Variants in SYT11 observed in about 807,000 individuals in gnomAD.
SYT11 encodes the protein synaptotagmin-11.
In SYT11, 12 loss-of-function variants were observed where a neutral mutation model predicts 30.4. The observed-to-expected ratio is 0.39, with a 90% CI of 0.25 to 0.64. The LOEUF is 0.64. Among genes scored for constraint, SYT11 ranks in the 30% least tolerant of loss-of-function variants. The pLI is 0.45. For missense variants in SYT11, 412 were observed against 552.0 expected, an observed-to-expected ratio of 0.75 and a Z score of 2.54; for synonymous variants, 204 against 216.0, an observed-to-expected ratio of 0.94 and a Z score of 0.49.
At position 155,867,993 on chromosome 1, in the gene SYT11, C is replaced by T. The variant is rs974741927; in HGVS notation, c.63C>T (p.Ile21=). ...TGTCACCGGTGGTGGCCGGCCTCAT[C>T]GGGGCCTCTGTGCTGGTGGTGTGTG... ...FDVSPVVAGL[I]GASVLVVCVS... Residue 21 remains isoleucine, a synonymous_variant, in exon 2 of 4, where the codon ATC becomes ATT. Transcript: ENST00000368324. 1.9e-6 allele frequency: 3 copies of T among 1,610,978 alleles called. No homozygotes were observed. Among genetic ancestry groups the T allele is most frequent in the Non-Finnish European group, 2.5e-6 (3 of 1,179,192 alleles).
intron 3 of SYT11, 32 bp from the exon 4 acceptor site, chr1:155,881,166 C>A: frequency 6.3e-7 from 1 of 1,591,384 alleles, no homozygotes; most frequent in South Asian, 1.1e-5. Context: ...ATAGGTCTGT[C>A]TCCCTTTTTC....
chr1:155,872,527 C>A (rs1201974065), intron 2 of SYT11, among the ~76,000 whole-genome samples: 4 of 152,180 alleles, frequency 2.6e-5, no homozygotes, highest in Non-Finnish European at 5.9e-5. Context: ...ACTGAAGGAG[C>A]AAGGAGATTG....
At chr1:155,880,713 C>A (rs926868684) in intron 3 of SYT11, 90 bp downstream of exon 3, 1 of 1,486,928 alleles carries the variant, frequency 6.7e-7, no homozygotes, top group African/African-American at 1.4e-5. Context: ...CTTCAAGATC[C>A]TTGCCTCTTT....
chr1:155,869,691 C>G (rs867283629), intron 2 of SYT11, among the ~76,000 whole-genome samples: 4 of 152,184 alleles, frequency 2.6e-5, no homozygotes, highest in South Asian at 2.1e-4. Context: ...TGTCCTCCCT[C>G]TTTGTATTAG....
rs750879467 is a variant in SYT11, at chr1:155,859,711, G to A, written c.-51G>A. ...CCTCGGTACTGACCGAGGGTTCCCA[G>A]AGCTGTCTCACCATTGCAAAAACGT... On this transcript the variant is annotated 5_prime_UTR_variant, in exon 1 of 4. Transcript: ENST00000368324. The A allele has an allele frequency of 1.3e-6, 2 of 1,593,230 alleles. No individual in the cohort carries two copies. The highest frequency in any genetic ancestry group is 1.1e-5 in the South Asian group (1 of 90,644).
At chr1:155,876,273 T>C (rs1672858858) in intron 2 of SYT11, among the ~76,000 whole-genome samples, 1 of 118,458 alleles carries the variant, frequency 8.4e-6, no homozygotes, top group African/African-American at 3.2e-5. Context: ...TGAGACGGAG[T>C]CTCGCTCCGT....
At chr1:155,880,767 T>C (rs822508) in intron 3 of SYT11, 144 bp downstream of exon 3, 618,751 of 1,001,868 alleles carry the variant, frequency 0.62, 200,928 homozygotes, top group Middle Eastern at 0.7. Context: ...CTCTTCCTGA[T>C]GAGTATCTAC....
At chr1:155,861,900 G>A (rs1166639079) in intron 1 of SYT11, among the ~76,000 whole-genome samples, 1 of 152,222 alleles carries the variant, frequency 6.6e-6, no homozygotes, top group African/African-American at 2.4e-5. Context: ...TTACAGGTGT[G>A]AGCCACTGCA....
intron 1 of SYT11, among the ~76,000 whole-genome samples, chr1:155,865,406 T>A (rs1400587671): frequency 6.6e-6 from 1 of 152,012 alleles, no homozygotes; most frequent in East Asian, 2.0e-4. Context: ...GGCAATTGGA[T>A]CACTTGCGGT....
Position 155,872,549 on chromosome 1 carries a change from C to G in SYT11, c.861+3758C>G, listed in dbSNP as rs1221344147. Among the ~76,000 whole-genome samples the G allele has an allele frequency of 2.0e-5, 3 of 152,206 alleles. No individual in the cohort carries two copies. In the South Asian group the frequency reaches 6.2e-4, roughly 31 times the overall value. On this transcript the variant is annotated intron_variant, in intron 2 of 3. Transcript: ENST00000368324. ...GAGCAAGGAGATTGCCCTCAGAGAG[C>G]CGAGCCCCGCAGCTCTGTCAGGCAT...
At chr1:155,870,761 ACT>A (rs753049331) in intron 2 of SYT11, among the ~76,000 whole-genome samples, 10 of 152,066 alleles carry the variant, frequency 6.6e-5, no homozygotes, top group Non-Finnish European at 1.3e-4. Flanking sequence ...CAGGGAGCAC[ACT>A]TTGTGTGTGT....
chr1:155,876,276 C>T (rs1479292896), intron 2 of SYT11, among the ~76,000 whole-genome samples: 65 of 128,032 alleles, frequency 5.1e-4, no homozygotes, highest in African/African-American at 6.3e-4. Flanking sequence ...GACGGAGTCT[C>T]GCTCCGTCTC....
intron 2 of SYT11, among the ~76,000 whole-genome samples, chr1:155,875,081 C>A (rs1436047195): frequency 6.8e-6 from 1 of 147,350 alleles, no homozygotes; most frequent in Non-Finnish European, 1.5e-5. Flanking sequence ...AGCGAAACCC[C>A]GTCTTTACTA....
In SYT11 at chr1:155,860,625, A is replaced by G. The variant is rs1318740402; in HGVS notation, c.34+830A>G. The stretch of plus-strand genomic sequence containing the variant: ...TCCAGGCCGGAGGGGGAGGGGCGAA[A>G]GAGGCCCAGCCCGGGGGAGGCCGCT... On this transcript the variant is annotated intron_variant, in intron 1 of 3. Coordinates refer to ENST00000368324, the MANE Select transcript of SYT11 (RefSeq NM_152280.5). The surrounding 1 kb of genome is among the most constrained non-coding windows in gnomAD (Gnocchi z 4.1). Among the ~76,000 whole-genome samples the G allele has an allele frequency of 1.3e-5, 2 of 152,078 alleles. No individual in the cohort carries two copies. Among genetic ancestry groups the G allele is most frequent in the Admixed American group, 6.5e-5 (1 of 15,268 alleles).
At chr1:155,861,006 C>T (rs1179212706) in intron 1 of SYT11, among the ~76,000 whole-genome samples, 1 of 152,070 alleles carries the variant, frequency 6.6e-6, no homozygotes, top group African/African-American at 2.4e-5. Context: ...GTTTGAGCAT[C>T]GGGACTCCAG....
At chr1:155,872,244 A>G (rs1392579976) in intron 2 of SYT11, among the ~76,000 whole-genome samples, 1 of 152,076 alleles carries the variant, frequency 6.6e-6, no homozygotes, top group Non-Finnish European at 1.5e-5. Flanking sequence ...CAGATCATGT[A>G]TGTGTATTGC....
chr1:155,867,214 C>T (rs1048195828), intron 1 of SYT11, among the ~76,000 whole-genome samples: 2 of 152,040 alleles, frequency 1.3e-5, no homozygotes, highest in Non-Finnish European at 2.9e-5. Context: ...CATGCCACCA[C>T]GCCCAGCTAA....
chr1:155,880,798 T>A (rs771207400), intron 3 of SYT11, among the ~76,000 whole-genome samples, 175 bp downstream of exon 3: 8 of 152,224 alleles, frequency 5.3e-5, no homozygotes, highest in Non-Finnish European at 1.2e-4. Context: ...TTTCCCTGGC[T>A]AGGAAGATTC....
At chr1:155,869,929 G>A (rs780821216) in intron 2 of SYT11, among the ~76,000 whole-genome samples, 25 of 152,320 alleles carry the variant, frequency 1.6e-4, no homozygotes, top group African/African-American at 3.1e-4. Context: ...CTTGCCAGCC[G>A]TGTGACACGG....
Sources: gnomAD v4.1 joint callset for allele counts (sites outside exome capture counted in the v4.1 genomes callset) on GRCh38, gnomAD v4.1.1 for gene constraint, Gnocchi (gnomAD v3.1) non-coding constraint, MANE v1.5 for transcripts, NCBI Gene and HGNC (gene_info 2026-07-23, HGNC 2026-07-21) for gene names.